PXDN: variants seen among roughly 807,000 people sequenced by gnomAD.
PXDN encodes peroxidasin homolog.
Under a neutral mutation model 140.3 loss-of-function variants are expected in PXDN, and 77 were observed. The observed-to-expected ratio is 0.55, with a 90% CI of 0.46 to 0.66. The LOEUF (loss-of-function observed/expected upper bound fraction) is 0.66. Ranked by LOEUF, PXDN falls within the 30% of genes least tolerant of loss-of-function variation. The pLI is 0.00. For missense variants in PXDN, 1,838 were observed against 2,039.5 expected, an observed-to-expected ratio of 0.90 and a Z score of 1.90; for synonymous variants, 911 against 857.4, an observed-to-expected ratio of 1.06 and a Z score of -1.09.
chr2:1,743,863 A>T (rs1685618788), intron 1 of PXDN, among the ~76,000 whole-genome samples: 1 of 87,554 alleles, frequency 1.1e-5, no homozygotes, highest in Admixed American at 1.7e-4. Context: ...TGAGCGGAGG[A>T]GGGGCCGCGA....
chr2:1,684,388 A>C (rs1391638416), intron 4 of PXDN, among the ~76,000 whole-genome samples: 1 of 152,206 alleles, frequency 6.6e-6, no homozygotes, highest in Admixed American at 6.5e-5. Flanking sequence ...GGAGGCCTAG[A>C]GGTGCTCACT....
intron 1 of PXDN, among the ~76,000 whole-genome samples, chr2:1,740,279 C>T (rs988706123): frequency 7.2e-5 from 11 of 152,220 alleles, no homozygotes; most frequent in Non-Finnish European, 1.2e-4. Flanking sequence ...ACCCTGTGAC[C>T]TCTATCTGCG....
At chr2:1,678,237 C>A (rs1490004318) in intron 7 of PXDN, among the ~76,000 whole-genome samples, 2 of 152,118 alleles carry the variant, frequency 1.3e-5, no homozygotes, top group Admixed American at 1.3e-4. Flanking sequence ...ACACACTCCC[C>A]GATTCCCTCT....
chr2:1,663,473 G>T lies in PXDN; in HGVS notation c.1567+132C>A, dbSNP rs191073073. 9 of 1,244,410 alleles carry T rather than the reference G, an allele frequency of 7.2e-6. No individual in the cohort carries two copies. The East Asian group carries it at 1.9e-4, about 26-fold the overall frequency. The allele number at this position is 1,244,410 out of a possible 1,614,324, so 77.1% of individuals were successfully genotyped here. A position where few individuals can be genotyped will look rare whatever the true frequency, so the allele number is the denominator to read the frequency against. ...ACCCTGGGGGCACAAGCACAATGACGGTGCACAAAATGCAGAGAGAACAGC... is the reference window on the plus strand; with the variant it reads ...ACCCTGGGGGCACAAGCACAATGACTGTGCACAAAATGCAGAGAGAACAGC... On this transcript the variant is annotated intron_variant, in intron 12 of 22. Transcript: ENST00000252804.
Position 1,651,501 on chromosome 2 carries a change from G to A in PXDN, c.2105-1826C>T. Among the ~76,000 whole-genome samples, 1 of 152,188 alleles carries A rather than the reference G, an allele frequency of 6.6e-6. No individual in the cohort carries two copies. The highest frequency in any genetic ancestry group is 1.5e-5 in the Non-Finnish European group (1 of 68,044). On this transcript the variant is annotated intron_variant, in intron 16 of 22. Transcript: ENST00000252804. The surrounding 1 kb of genome is among the most constrained non-coding windows in gnomAD (Gnocchi z 4.4). Reference sequence around the variant, plus strand: ...CCCTAAGGTTCCCATTTCATACACAGCCAACGACATATCCTTATATTCGCT... The same window carrying A: ...CCCTAAGGTTCCCATTTCATACACAACCAACGACATATCCTTATATTCGCT...
intron 1 of PXDN, among the ~76,000 whole-genome samples, chr2:1,719,134 G>A (rs1395833733): frequency 6.6e-6 from 1 of 152,190 alleles, no homozygotes; most frequent in Non-Finnish European, 1.5e-5. Flanking sequence ...GGGGCCCTGC[G>A]GCCATGCCTC....
Position 1,673,633 on chromosome 2 carries a change from C to T in PXDN, c.1018+10G>A, listed in dbSNP as rs972175216. On this transcript the variant is annotated intron_variant, in intron 9 of 22. Coordinates refer to ENST00000252804, the MANE Select transcript of PXDN (RefSeq NM_012293.3). The stretch of plus-strand genomic sequence containing the variant: ...GGATGGAACCCCGGTGTGAAATGCC[C>T]GCCACATACCTGGAGACCCGAAGTA... 1.6e-5 allele frequency: 25 copies of T among 1,598,510 alleles called. No homozygotes were observed. Among genetic ancestry groups the T allele is most frequent in the African/African-American group, 8.0e-5 (6 of 74,648 alleles).
Position 1,643,561 on chromosome 2 carries a change from G to A in PXDN, c.3759C>T (p.Asn1253=), listed in dbSNP as rs775842945. The change falls in exon 19 of 23, where the codon AAC becomes AAT. Residue 1253 remains asparagine, a synonymous_variant. Transcript: ENST00000252804. The part of the protein sequence containing the change: ...LRDGDRLWYE[N]PGVFSPAQLT... ...GCTGGGCCGGGGAGAACACCCCAGG[G>A]TTCTCATACCACAACCTGGATCCCC... 1 of 1,613,856 alleles carries A rather than the reference G, an allele frequency of 6.2e-7. No individual in the cohort carries two copies. The highest frequency in any genetic ancestry group is 8.5e-7 in the Non-Finnish European group (1 of 1,179,878).
At position 1,701,862 on chromosome 2, in the gene PXDN, T is replaced by A. The variant is rs192089299; in HGVS notation, c.201-8728A>T. On this transcript the variant is annotated intron_variant, in intron 1 of 22. Transcript: ENST00000252804. ...GAACCCCGACAGCGGTCTTGTCCTG[T>A]CCACAATGTGAGAGGACACGAGGAG... 1.5e-4 allele frequency among the ~76,000 whole-genome samples: 23 copies of A among 152,258 alleles called. 1 individual carries two copies. In the East Asian group the frequency reaches 3.9e-3, roughly 26 times the overall value.
chr2:1,720,669 TTCTCTCTGCATCTCTTTCTCTC>T (rs1414144348), intron 1 of PXDN, among the ~76,000 whole-genome samples: 1 of 33,642 alleles, frequency 3.0e-5, no homozygotes, highest in African/African-American at 1.2e-4. Context: ...CTGCATCTCT[TTCTCTCTGCATCTCTTTCTCTC>T]TCTCTCTGCA....
At chr2:1,741,653 G>A (rs996897465) in intron 1 of PXDN, among the ~76,000 whole-genome samples, 1 of 152,204 alleles carries the variant, frequency 6.6e-6, no homozygotes, top group Non-Finnish European at 1.5e-5. Context: ...TCTTTTGGGG[G>A]ACTGGGATGG....
intron 14 of PXDN, among the ~76,000 whole-genome samples, chr2:1,659,083 C>T (rs867056444): frequency 6.6e-5 from 10 of 152,194 alleles, no homozygotes; most frequent in African/African-American, 1.9e-4. Flanking sequence ...GCTGAACGAA[C>T]GACCAAGTGG....
intron 1 of PXDN, among the ~76,000 whole-genome samples, chr2:1,713,138 G>A (rs1684821882): frequency 6.6e-6 from 1 of 152,126 alleles, no homozygotes; most frequent in South Asian, 2.1e-4. Context: ...CTTGGGGCCC[G>A]AGTCCCCAAG....
intron 1 of PXDN, among the ~76,000 whole-genome samples, chr2:1,710,846 C>G (rs1277724533): frequency 2.3e-5 from 2 of 87,636 alleles, no homozygotes; most frequent in African/African-American, 9.4e-5. Flanking sequence ...ACCCACTCCA[C>G]CAGCACCCAC....
chr2:1,634,310 G>A lies in PXDN; in HGVS notation c.4334C>T (p.Thr1445Ile), dbSNP rs767517899. ...TICECKDGQV[T>I]CFVEACPPAT... Reference sequence around the variant, plus strand: ...AGGGGGGCAAGCTTCCACGAAGCAGGTGACCTGCCCGTCCTGGAGAAGAGA... The same window carrying A: ...AGGGGGGCAAGCTTCCACGAAGCAGATGACCTGCCCGTCCTGGAGAAGAGA... Residue 1445 changes from threonine (T) to isoleucine (I), a missense_variant, in exon 23 of 23, where the codon ACC becomes ATC. Physicochemically the swap from Thr to Ile is moderately conservative, Grantham distance 89. Around this residue, in one of 5 missense-constraint regions of PXDN, gnomAD observed 850 missense variants for 894.1 expected, o/e 0.95. Transcript: ENST00000252804. The A allele has an allele frequency of 3.1e-6, 5 of 1,592,404 alleles. No homozygotes were observed. Among genetic ancestry groups the A allele is most frequent in the Non-Finnish European group, 3.4e-6 (4 of 1,169,204 alleles).
chr2:1,736,477 T>A (rs1001127679), intron 1 of PXDN, among the ~76,000 whole-genome samples: 3 of 152,130 alleles, frequency 2.0e-5, no homozygotes, highest in Admixed American at 6.5e-5. Flanking sequence ...TAGTCTTACA[T>A]GGGTGTGGTT....
intron 1 of PXDN, among the ~76,000 whole-genome samples, chr2:1,710,808 A>ACT (rs1326738893): frequency 4.6e-5 from 1 of 21,646 alleles, no homozygotes; most frequent in Non-Finnish European, 7.6e-5. Flanking sequence ...ACCAGCACCC[A>ACT]CTCCACCAGC....
In PXDN at chr2:1,648,651, G is replaced by C; in HGVS notation, c.3129C>G (p.Gly1043=). Residue 1043 remains glycine, a synonymous_variant, in exon 17 of 23, where the codon GGC becomes GGG. Coordinates refer to ENST00000252804, the MANE Select transcript of PXDN (RefSeq NM_012293.3). This position sits in a 1 kb window ranked among gnomAD's most constrained non-coding sequence, Gnocchi z 8.9. ...HWLPKILGEV[G]MRTLGEYHGY... is the part of the protein sequence containing the mutation. ...CGTGGTACTCTCCCAGCGTCCTCAT[G>C]CCCACCTCCCCCAGGATCTTCGGGA... 6.2e-7 allele frequency: 1 copy of C among 1,610,142 alleles called. No individual in the cohort carries two copies. Among genetic ancestry groups the C allele is most frequent in the East Asian group, 2.2e-5 (1 of 44,672 alleles).
chr2:1,649,388 C>A lies in PXDN; in HGVS notation c.2392G>T (p.Val798Leu). The A allele has an allele frequency of 6.2e-7, 1 of 1,613,882 alleles. No individual in the cohort carries two copies. Among genetic ancestry groups the A allele is most frequent in the Non-Finnish European group, 8.5e-7 (1 of 1,179,858 alleles). The change falls in exon 17 of 23, where the codon GTG becomes TTG. Residue 798 changes from valine to leucine, a missense_variant. Physicochemically the swap from Val to Leu is conservative, Grantham distance 32. Coordinates refer to ENST00000252804, the MANE Select transcript of PXDN (RefSeq NM_012293.3). This position sits in a 1 kb window ranked among gnomAD's most constrained non-coding sequence, Gnocchi z 7.1. ...NGHALPMPRL[V>L]STTLIGTETV... The stretch of plus-strand genomic sequence containing the variant: ...TCCGTCCCGATCAGGGTGGTGGACA[C>A]CAGGCGCGGCATGGGAAGGGCGTGC...
Sources: gnomAD v4.1 joint callset for allele counts (sites outside exome capture counted in the v4.1 genomes callset) on GRCh38, gnomAD v4.1.1 for gene constraint, gnomAD v4.1.1 regional missense constraint, Gnocchi (gnomAD v3.1) non-coding constraint, MANE v1.5 for transcripts, NCBI Gene and HGNC (gene_info 2026-07-23, HGNC 2026-07-21) for gene names.